MB21D2: variants seen among roughly 807,000 people sequenced by gnomAD.
MB21D2 encodes the protein Mab-21 domain containing 2.
Under a neutral mutation model 33.3 loss-of-function variants are expected in MB21D2, and 9 were observed. The ratio of observed to expected loss-of-function variants is 0.27; its 90% CI spans 0.16 to 0.47. The LOEUF (loss-of-function observed/expected upper bound fraction) is 0.47. Among genes scored for constraint, MB21D2 ranks in the 20% least tolerant of loss-of-function variants. The pLI is 0.99. For missense variants in MB21D2, 540 were observed against 624.6 expected (o/e 0.86, Z 1.44); for synonymous variants, 241 against 236.3 (o/e 1.02, Z -0.18).
intron 1 of MB21D2, among the ~76,000 whole-genome samples, chr3:192,865,849 C>A (rs1713155964): frequency 6.6e-6 from 1 of 152,092 alleles, no homozygotes; most frequent in Non-Finnish European, 1.5e-5. Flanking sequence ...AGTTTGAGAA[C>A]AGCCTAGGCA....
chr3:192,826,768 G>T (rs2108618459), intron 1 of MB21D2, among the ~76,000 whole-genome samples: 1 of 152,252 alleles, frequency 6.6e-6, no homozygotes, highest in Non-Finnish European at 1.5e-5. Context: ...CGGGTGGTTG[G>T]AGCACTTTTT....
At chr3:192,885,152 CG>C (rs1713704850) in intron 1 of MB21D2, among the ~76,000 whole-genome samples, 1 of 152,042 alleles carries the variant, frequency 6.6e-6, no homozygotes, top group Admixed American at 6.5e-5. Flanking sequence ...CTTCAGATAC[CG>C]GATGTGACTA....
chr3:192,866,247 A>G (rs982136791), intron 1 of MB21D2, among the ~76,000 whole-genome samples: 22 of 152,330 alleles, frequency 1.4e-4, no homozygotes, highest in African/African-American at 4.6e-4. Flanking sequence ...AAACAACAGC[A>G]AACTTTAAAT....
chr3:192,909,188 G>A (rs906199117), intron 1 of MB21D2, among the ~76,000 whole-genome samples: 14 of 151,542 alleles, frequency 9.2e-5, no homozygotes, highest in African/African-American at 2.4e-4. Flanking sequence ...CCCGGGAGGC[G>A]GAGCTTGCAG....
chr3:192,837,173 G>A (rs952705439), intron 1 of MB21D2, among the ~76,000 whole-genome samples: 1 of 152,138 alleles, frequency 6.6e-6, no homozygotes, highest in East Asian at 1.9e-4. Context: ...AGCAGTTCTT[G>A]TTTCACCCTA....
In MB21D2 at chr3:192,799,294, C is replaced by T. The variant is rs1352208434; in HGVS notation, c.568G>A (p.Asp190Asn). 1 of 1,614,084 alleles carries T rather than the reference C, an allele frequency of 6.2e-7. No individual in the cohort carries two copies. The highest frequency in any genetic ancestry group is 8.5e-7 in the Non-Finnish European group (1 of 1,180,042). Residue 190 changes from aspartate to asparagine, a missense_variant, in exon 2 of 2, where the codon GAC (aspartate) becomes AAC (asparagine). Asp to Asn is a conservative substitution (Grantham distance 23). Coordinates refer to ENST00000392452, the MANE Select transcript of MB21D2 (RefSeq NM_178496.4). The surrounding 1 kb of genome is among the most constrained non-coding windows in gnomAD (Gnocchi z 4.1). ...TCTGATAGGACAATGCTGATAGAGT[C>T]ATAGAACCAGTCAGCCACTTTGGTA... The part of the protein sequence containing the change: ...SPTKVADWFY[D>N]SISIVLSEIQ...
chr3:192,899,680 T>A (rs369956058), intron 1 of MB21D2, among the ~76,000 whole-genome samples: 13 of 152,138 alleles, frequency 8.5e-5, no homozygotes, highest in African/African-American at 2.7e-4. Flanking sequence ...CAGATGGTAG[T>A]GGCCTGGCCT....
intron 1 of MB21D2, among the ~76,000 whole-genome samples, chr3:192,859,854 T>C (rs1185959853): frequency 6.6e-6 from 1 of 152,218 alleles, no homozygotes; most frequent in Non-Finnish European, 1.5e-5. Flanking sequence ...ATTTAGACTT[T>C]TCGAGCCTGA....
In MB21D2 at chr3:192,883,389, G is replaced by T. The variant is rs143168619; in HGVS notation, c.211+34241C>A. On this transcript the variant is annotated intron_variant, in intron 1 of 1. Transcript: ENST00000392452. ...TGACAAGAAAAACATAAGAAAAGAA[G>T]ATCTAGTTTGTAGCATAGCATGAGA... is the stretch of plus-strand genomic sequence containing the variant. Among the ~76,000 whole-genome samples, 119 of 152,134 alleles carry T rather than the reference G, an allele frequency of 7.8e-4. 1 individual carries two copies. Among genetic ancestry groups the T allele is most frequent in the African/African-American group, 2.7e-3 (110 of 41,442 alleles).
intron 1 of MB21D2, among the ~76,000 whole-genome samples, chr3:192,884,406 A>T (rs146319260): frequency 4.6e-5 from 7 of 151,976 alleles, no homozygotes; most frequent in Non-Finnish European, 8.8e-5. Context: ...TTGCTCTGTC[A>T]CCCAGGCTGG....
chr3:192,882,290 G>C (rs764780782), intron 1 of MB21D2, among the ~76,000 whole-genome samples: 4 of 152,038 alleles, frequency 2.6e-5, no homozygotes, highest in Admixed American at 2.0e-4. Flanking sequence ...GGTTAGGCTG[G>C]TCTCGAACTC....
At chr3:192,838,490 G>A (rs566573923) in intron 1 of MB21D2, among the ~76,000 whole-genome samples, 129 of 149,148 alleles carry the variant, frequency 8.6e-4, no homozygotes, top group South Asian at 6.2e-3. Context: ...GTGCAGTGGC[G>A]CGATCTCGGC....
chr3:192,909,785 A>C (rs1714299096), intron 1 of MB21D2, among the ~76,000 whole-genome samples: 1 of 151,800 alleles, frequency 6.6e-6, no homozygotes, highest in South Asian at 2.1e-4. Flanking sequence ...ACAAAAAATT[A>C]GCTAGGCATG....
At position 192,899,604 on chromosome 3, in the gene MB21D2, A is replaced by T. The variant is rs1714050739; in HGVS notation, c.211+18026T>A. Reference sequence around the variant, plus strand: ...ACTTAAAGGATGACTCAGCATGGAGAAGGGCTTGAAAGGATGCAAGACTGG... The same window carrying T: ...ACTTAAAGGATGACTCAGCATGGAGTAGGGCTTGAAAGGATGCAAGACTGG... On this transcript the variant is annotated intron_variant, in intron 1 of 1. Coordinates refer to ENST00000392452, the MANE Select transcript of MB21D2 (RefSeq NM_178496.4). Among the ~76,000 whole-genome samples the T allele has an allele frequency of 2.0e-5, 3 of 152,222 alleles. No individual in the cohort carries two copies. In the South Asian group the frequency reaches 6.2e-4, roughly 32 times the overall value.
At position 192,798,869 on chromosome 3, in the gene MB21D2, G is replaced by T. The variant is rs1403369837; in HGVS notation, c.993C>A (p.His331Gln). ...LSRPKAISPY[H>Q]LRSMMLWACD... ...AGGCCCAGAGCATCATGCTCCGCAG[G>T]TGATAGGGGCTAATAGCCTTGGGCC... Residue 331 changes from histidine (H) to glutamine (Q), a missense_variant, in exon 2 of 2, where the codon CAC (histidine) becomes CAA (glutamine). Transcript: ENST00000392452. This position sits in a 1 kb window ranked among gnomAD's most constrained non-coding sequence, Gnocchi z 4.8. The T allele has an allele frequency of 1.2e-6, 2 of 1,613,284 alleles. No individual in the cohort carries two copies. Among genetic ancestry groups the T allele is most frequent in the Admixed American group, 1.7e-5 (1 of 60,024 alleles).
chr3:192,826,877 A>G (rs534067107), intron 1 of MB21D2, among the ~76,000 whole-genome samples: 5 of 151,568 alleles, frequency 3.3e-5, no homozygotes, highest in African/African-American at 7.3e-5. Context: ...TTTGGCTTCA[A>G]TTGTTTTCCC....
intron 1 of MB21D2, among the ~76,000 whole-genome samples, chr3:192,895,684 C>G (rs1713954094): frequency 6.6e-6 from 1 of 152,140 alleles, no homozygotes; most frequent in Non-Finnish European, 1.5e-5. Flanking sequence ...TTTAGAAAAT[C>G]ACTAGAAACT....
At chr3:192,838,391 A>C (rs1712490942) in intron 1 of MB21D2, among the ~76,000 whole-genome samples, 1 of 151,848 alleles carries the variant, frequency 6.6e-6, no homozygotes, top group Non-Finnish European at 1.5e-5. Flanking sequence ...CAAGAGAAAA[A>C]TGGGCTCTTT....
intron 1 of MB21D2, among the ~76,000 whole-genome samples, chr3:192,860,634 G>C (rs1253100253): frequency 6.6e-6 from 1 of 152,192 alleles, no homozygotes; most frequent in East Asian, 1.9e-4. Flanking sequence ...TGCAGAGACA[G>C]TCTGCACATG....
Sources: gnomAD v4.1 joint callset for allele counts (sites outside exome capture counted in the v4.1 genomes callset) on GRCh38, gnomAD v4.1.1 for gene constraint, Gnocchi (gnomAD v3.1) non-coding constraint, MANE v1.5 for transcripts, NCBI Gene and HGNC (gene_info 2026-07-23, HGNC 2026-07-21) for gene names.